RPH3A: variants seen among roughly 807,000 people sequenced by gnomAD.
The protein encoded by RPH3A is rabphilin-3A.
RPH3A carries 48 observed loss-of-function variants against 102.2 expected under a neutral mutation model. That is an observed-to-expected ratio of 0.47 (90% confidence interval 0.37 to 0.60). The LOEUF is 0.60. RPH3A is among the 20% of genes least tolerant of loss of function. RPH3A has a pLI of 0.00. For missense variants in RPH3A, 781 were observed against 910.1 expected (o/e 0.86, Z 1.83); for synonymous variants, 310 against 324.3 (o/e 0.96, Z 0.47).
chr12:112,887,655 T>C (rs7979186), intron 16 of RPH3A, 142 bp from the exon 17 acceptor site: 395,883 of 915,186 alleles, frequency 0.43, 89,811 homozygotes, highest in African/African-American at 0.68. Flanking sequence ...AGGTACTTGG[T>C]CCAGTGATAA....
chr12:112,701,992 C>T (rs144995789), intron 1 of RPH3A, among the ~76,000 whole-genome samples: 42 of 152,304 alleles, frequency 2.8e-4, no homozygotes, highest in Non-Finnish European at 5.4e-4. Flanking sequence ...AAGAGCAGAG[C>T]AGAAGGAGTT....
intron 1 of RPH3A, among the ~76,000 whole-genome samples, chr12:112,678,318 A>AGAG (rs1566255385): frequency 8.2e-6 from 1 of 122,454 alleles, no homozygotes; most frequent in Non-Finnish European, 1.8e-5. Context: ...AGAGAGAGAG[A>AGAG]AAGAAAGAAA....
intron 1 of RPH3A, among the ~76,000 whole-genome samples, chr12:112,667,841 C>G (rs986406682): frequency 6.6e-6 from 1 of 152,134 alleles, no homozygotes; most frequent in Non-Finnish European, 1.5e-5. Context: ...GGACAAATAT[C>G]TTGACCTCAT....
At chr12:112,706,309 C>A (rs1339339127) in intron 1 of RPH3A, among the ~76,000 whole-genome samples, 1 of 152,202 alleles carries the variant, frequency 6.6e-6, no homozygotes, top group African/African-American at 2.4e-5. Flanking sequence ...CCCAGCTTCT[C>A]AACTCTTCAG....
At chr12:112,739,582 T>A (rs1379149261) in intron 1 of RPH3A, among the ~76,000 whole-genome samples, 1 of 152,226 alleles carries the variant, frequency 6.6e-6, no homozygotes, top group Non-Finnish European at 1.5e-5. Context: ...GCTGTTACAT[T>A]CTTCCATGAA....
intron 1 of RPH3A, among the ~76,000 whole-genome samples, chr12:112,724,580 TA>T (rs1458448594): frequency 9.8e-5 from 15 of 152,364 alleles, no homozygotes; most frequent in Middle Eastern, 3.4e-3. Flanking sequence ...AATGCTTATT[TA>T]TAGGTTTATA....
rs1321087041 is a variant in RPH3A, at chr12:112,597,778, A to ACTCTATAGAAGTCTCATAGT, written c.-140+22478_-140+22497dup. ...CTCTGAAGAGAGACTGTTAACTGAG[A>ACTCTATAGAAGTCTCATAGT]CTCTATAGAAGTCTCATAGTCTCTA... On this transcript the variant is annotated intron_variant, in intron 1 of 21. Coordinates refer to the RPH3A transcript ENST00000543106. Among the ~76,000 whole-genome samples, 4 of 152,130 alleles carry ACTCTATAGAAGTCTCATAGT rather than the reference A, an allele frequency of 2.6e-5. No individual in the cohort carries two copies. The East Asian group carries it at 7.7e-4, about 29-fold the overall frequency.
intron 1 of RPH3A, among the ~76,000 whole-genome samples, chr12:112,773,294 G>A (rs2040940585): frequency 6.6e-6 from 1 of 152,014 alleles, no homozygotes; most frequent in African/African-American, 2.4e-5. Context: ...TGAAGGATGG[G>A]GTTTTGCCAA....
intron 1 of RPH3A, among the ~76,000 whole-genome samples, chr12:112,752,972 T>TC (rs1291445748): frequency 2.8e-5 from 4 of 143,726 alleles, no homozygotes; most frequent in African/African-American, 5.2e-5. Context: ...AGTTTTCTTT[T>TC]TTTTTTTTTT....
chr12:112,875,443 C>T (rs1337145346), intron 11 of RPH3A, among the ~76,000 whole-genome samples: 1 of 152,110 alleles, frequency 6.6e-6, no homozygotes, highest in Non-Finnish European at 1.5e-5. Flanking sequence ...AGGACCAACA[C>T]CCCCATTTCA....
intron 1 of RPH3A, among the ~76,000 whole-genome samples, chr12:112,721,288 C>T (rs1232893617): frequency 6.6e-6 from 1 of 152,188 alleles, no homozygotes; most frequent in African/African-American, 2.4e-5. Context: ...CCTGGAATTT[C>T]AGGGACCTGA....
At chr12:112,594,187 G>C (rs751134367) in intron 1 of RPH3A, among the ~76,000 whole-genome samples, 41 of 152,096 alleles carry the variant, frequency 2.7e-4, no homozygotes, top group Non-Finnish European at 4.3e-4. Context: ...GTACAAAAAG[G>C]GTGCTTGATT....
chr12:112,881,453 T>G (rs1359626385), intron 14 of RPH3A, among the ~76,000 whole-genome samples: 1 of 152,174 alleles, frequency 6.6e-6, no homozygotes, highest in African/African-American at 2.4e-5. Flanking sequence ...TAGGTGGAAT[T>G]GCATTTAAAT....
chr12:112,784,175 C>A (rs1410164749), intron 1 of RPH3A, among the ~76,000 whole-genome samples: 2 of 152,190 alleles, frequency 1.3e-5, no homozygotes, highest in African/African-American at 4.8e-5. Context: ...AATCTTCCAG[C>A]AAATATCAGC....
chr12:112,869,769 A>G lies in RPH3A; in HGVS notation c.621A>G (p.Glu207=). Residue 207 remains glutamate (E), a synonymous_variant, in exon 9 of 22, where the codon GAA becomes GAG. Transcript: ENST00000389385. The stretch of plus-strand genomic sequence containing the variant: ...GTTTTCTTTCTCCAGGTGACAGTGA[A>G]GATAGGAGGGGCCCGGGTCAGAAGA... ...PARAPARGDS[E]DRRGPGQKTG... 1 of 1,614,176 alleles carries G rather than the reference A, an allele frequency of 6.2e-7. No individual in the cohort carries two copies. The highest frequency in any genetic ancestry group is 8.5e-7 in the Non-Finnish European group (1 of 1,180,024).
intron 1 of RPH3A, among the ~76,000 whole-genome samples, chr12:112,649,211 AT>A (rs1471362470): frequency 4.6e-5 from 7 of 152,346 alleles, no homozygotes; most frequent in Admixed American, 4.6e-4. Flanking sequence ...GCTACATTCC[AT>A]TTTATTACCT....
intron 1 of RPH3A, among the ~76,000 whole-genome samples, chr12:112,679,294 C>T (rs542236764): frequency 4.6e-5 from 7 of 152,184 alleles, no homozygotes; most frequent in South Asian, 4.1e-4. Context: ...GCTGAGACTA[C>T]AGGCGCATGC....
At chr12:112,870,856 G>C (rs2042696943) in intron 10 of RPH3A, among the ~76,000 whole-genome samples, 1 of 152,174 alleles carries the variant, frequency 6.6e-6, no homozygotes, top group South Asian at 2.1e-4. Context: ...CAGAGAAAGA[G>C]GAACTTCCAG....
At chr12:112,726,818 T>A (rs911792321) in intron 1 of RPH3A, among the ~76,000 whole-genome samples, 1 of 150,748 alleles carries the variant, frequency 6.6e-6, no homozygotes, top group African/African-American at 2.4e-5. Flanking sequence ...AGGTCAGGAG[T>A]TCGAGACCAG....
Sources: allele counts gnomAD v4.1 joint callset (sites outside exome capture counted in the v4.1 genomes callset), GRCh38; gene constraint gnomAD v4.1.1; transcripts MANE v1.5; gene names NCBI Gene and HGNC (gene_info 2026-07-23, HGNC 2026-07-21).